The following RBM19 variants were observed in gnomAD, a reference collection of about 807,000 sequenced individuals.
The protein encoded by RBM19 is probable RNA-binding protein 19.
RBM19 carries 94 observed loss-of-function variants against 116.8 expected under a neutral mutation model. The observed-to-expected ratio is 0.80, with a 90% CI of 0.68 to 0.95. The LOEUF is 0.95. Ranked by LOEUF, RBM19 falls within the 40% of genes least tolerant of loss-of-function variation. The pLI is 0.00. For synonymous variants in RBM19, 475 were observed against 494.1 expected, an observed-to-expected ratio of 0.96 and a Z score of 0.51; for missense variants, 1,161 against 1,220.7, an observed-to-expected ratio of 0.95 and a Z score of 0.73.
chr12:113,891,687 C>T (rs184701579), intron 21 of RBM19, among the ~76,000 whole-genome samples: 1 of 152,318 alleles, frequency 6.6e-6, no homozygotes, highest in East Asian at 1.9e-4. Flanking sequence ...TAATAATAGA[C>T]CATTTTGGGT....
At chr12:113,916,177 T>G (rs986008741) in intron 20 of RBM19, among the ~76,000 whole-genome samples, 4 of 152,156 alleles carry the variant, frequency 2.6e-5, no homozygotes, top group Non-Finnish European at 4.4e-5. Flanking sequence ...TTGGGAGGCT[T>G]AGGTGGATCA....
chr12:113,872,137 C>T (rs1312990742), intron 21 of RBM19, among the ~76,000 whole-genome samples: 3 of 149,012 alleles, frequency 2.0e-5, no homozygotes, highest in African/African-American at 4.9e-5. Flanking sequence ...TCTGCCCGGC[C>T]GCCCATCGTC....
At chr12:113,923,964 T>C (rs533672679) in intron 18 of RBM19, among the ~76,000 whole-genome samples, 1 of 152,354 alleles carries the variant, frequency 6.6e-6, no homozygotes, top group South Asian at 2.1e-4. Flanking sequence ...GTACTTTGCA[T>C]GCAGTAGGTG....
chr12:113,854,515 G>T (rs999462615), intron 22 of RBM19, among the ~76,000 whole-genome samples: 1 of 152,086 alleles, frequency 6.6e-6, no homozygotes. Flanking sequence ...TGTGGGGAAG[G>T]CTCTTTAAGA....
chr12:113,834,220 G>C (rs1398751700), intron 23 of RBM19, among the ~76,000 whole-genome samples: 1 of 152,142 alleles, frequency 6.6e-6, no homozygotes, highest in Non-Finnish European at 1.5e-5. Flanking sequence ...TCAGTGCCTA[G>C]AGCACGGCTT....
intron 23 of RBM19, among the ~76,000 whole-genome samples, chr12:113,840,896 C>T (rs1876407199): frequency 6.6e-6 from 1 of 152,250 alleles, no homozygotes. Context: ...ATGGGCACTG[C>T]CTATACCCCC....
chr12:113,855,643 G>A (rs963223930), intron 22 of RBM19, among the ~76,000 whole-genome samples: 28 of 152,158 alleles, frequency 1.8e-4, no homozygotes, highest in African/African-American at 6.8e-4. Flanking sequence ...ATGCACAGGA[G>A]CCGGCCCTGA....
intron 21 of RBM19, among the ~76,000 whole-genome samples, chr12:113,908,746 G>A (rs773814983): frequency 7.2e-5 from 11 of 152,006 alleles, no homozygotes; most frequent in Non-Finnish European, 1.0e-4. Flanking sequence ...GTGCTGGTCT[G>A]TGTGACCAGC....
intron 23 of RBM19, among the ~76,000 whole-genome samples, chr12:113,843,410 G>A (rs547571902): frequency 1.5e-4 from 23 of 152,298 alleles, no homozygotes; most frequent in African/African-American, 5.3e-4. Context: ...CAATGAGGTG[G>A]GGAGGAATGC....
chr12:113,934,876 A>T (rs1869911402), intron 16 of RBM19, among the ~76,000 whole-genome samples: 1 of 152,074 alleles, frequency 6.6e-6, no homozygotes, highest in Admixed American at 6.5e-5. Context: ...ACCCGGCCTC[A>T]TCTTTCGAAG....
chr12:113,854,636 T>C (rs931378543), intron 22 of RBM19, among the ~76,000 whole-genome samples: 1 of 152,152 alleles, frequency 6.6e-6, no homozygotes, highest in Non-Finnish European at 1.5e-5. Context: ...AGTGGGAGAA[T>C]ATGCCAGCTC....
intron 21 of RBM19, among the ~76,000 whole-genome samples, chr12:113,889,819 T>G (rs1273681855): frequency 1.3e-5 from 2 of 152,064 alleles, no homozygotes; most frequent in African/African-American, 4.8e-5. Context: ...ACGATTTATT[T>G]TATGGCTAGA....
intron 18 of RBM19, among the ~76,000 whole-genome samples, chr12:113,921,833 T>A (rs1451096065): frequency 1.3e-5 from 2 of 152,270 alleles, no homozygotes; most frequent in Non-Finnish European, 2.9e-5. Context: ...AAGGTCAAGT[T>A]CAACTCTGAG....
rs756785503 is a variant in RBM19 at position 113,959,381 on chromosome 12, C to T, written c.402G>A (p.Gln134=). 6.2e-7 allele frequency: 1 copy of T among 1,608,696 alleles called. No individual in the cohort carries two copies. Among genetic ancestry groups the T allele is most frequent in the East Asian group, 2.2e-5 (1 of 44,700 alleles). The change falls in exon 5 of 24, where the codon CAG becomes CAA. Residue 134 remains glutamine, a synonymous_variant. Transcript: ENST00000261741. Reference sequence around the variant, plus strand: ...GCCTCTGATGAACTGACAGAAACTCCTGGAACTCTGTATCCTCCTTCAGCT... The same window carrying T: ...GCCTCTGATGAACTGACAGAAACTCTTGGAACTCTGTATCCTCCTTCAGCT... ...LEKLKEDTEF[Q]EFLSVHQRRA...
chr12:113,857,993 C>T (rs1445614450), intron 22 of RBM19, among the ~76,000 whole-genome samples: 1 of 152,254 alleles, frequency 6.6e-6, no homozygotes, highest in Non-Finnish European at 1.5e-5. Flanking sequence ...AGAGAGGGGA[C>T]AGGCCACCTG....
chr12:113,951,133 G>A (rs1871428553), intron 8 of RBM19, among the ~76,000 whole-genome samples: 1 of 152,194 alleles, frequency 6.6e-6, no homozygotes, highest in Non-Finnish European at 1.5e-5. Flanking sequence ...CTAGGCTCAA[G>A]TAATCCTCCT....
At chr12:113,875,400 T>G (rs1419703347) in intron 21 of RBM19, among the ~76,000 whole-genome samples, 1 of 152,010 alleles carries the variant, frequency 6.6e-6, no homozygotes, top group Non-Finnish European at 1.5e-5. Flanking sequence ...AAGTTTAGAA[T>G]TGGATGGTGA....
chr12:113,861,680 C>T (rs934127666), intron 21 of RBM19, among the ~76,000 whole-genome samples: 2 of 151,930 alleles, frequency 1.3e-5, no homozygotes, highest in East Asian at 3.9e-4. Context: ...CGGAGAAAGG[C>T]GAGAAAAATA....
intron 21 of RBM19, among the ~76,000 whole-genome samples, chr12:113,866,177 G>C (rs1270938361): frequency 6.6e-6 from 1 of 152,170 alleles, no homozygotes; most frequent in African/African-American, 2.4e-5. Flanking sequence ...GTGCCTTTTA[G>C]ACTGAACTTC....
Sources: allele counts gnomAD v4.1 joint callset (sites outside exome capture counted in the v4.1 genomes callset), GRCh38; gene constraint gnomAD v4.1.1; transcripts MANE v1.5; gene names NCBI Gene and HGNC (gene_info 2026-07-23, HGNC 2026-07-21).